Variants in TBC1D8B observed in about 807,000 individuals in gnomAD.
The protein encoded by TBC1D8B is TBC1 domain family member 8B, also known as RP11-321G1.1.
Under a neutral mutation model 82.9 loss-of-function variants are expected in TBC1D8B, and 75 were observed. The ratio of observed to expected loss-of-function variants is 0.90; its 90% CI spans 0.75 to 1.10. The LOEUF is 1.10. TBC1D8B is among the 50% of genes least tolerant of loss of function. TBC1D8B has a pLI of 0.00. For missense variants in TBC1D8B, 794 were observed against 796.9 expected (o/e 1.00, Z 0.04); for synonymous variants, 276 against 276.8 (o/e 1.00, Z 0.03).
chrX:106,854,165 A>C (rs779462558), intron 13 of TBC1D8B, 33 bp from the exon 14 acceptor site: 2 of 981,588 alleles, frequency 2.0e-6, no homozygotes, highest in African/African-American at 4.0e-5. Context: ...GTTTATTATG[A>C]GTGAGTAGCC....
chrX:106,845,240 G>T (rs1480257293), intron 10 of TBC1D8B, among the ~76,000 whole-genome samples: 1 of 108,336 alleles, frequency 9.2e-6, no homozygotes, highest in Non-Finnish European at 1.9e-5. Flanking sequence ...TATCCTTTTT[G>T]TCTTTTTTAA....
At chrX:106,829,308 A>G (rs1231733116) in intron 7 of TBC1D8B, 25 of 104,927 alleles carry the variant, frequency 2.4e-4, no homozygotes, top group African/African-American at 1.0e-3. Context: ...ACAAACAAAT[A>G]GAAGAAAATT....
chrX:106,862,766 G>GTTTTTTTTTTTTTTTTTTT (rs199693098), intron 14 of TBC1D8B, among the ~76,000 whole-genome samples: 2 of 35,801 alleles, frequency 5.6e-5, no homozygotes, highest in Non-Finnish European at 1.1e-4. Flanking sequence ...CTTTGGATGG[G>GTTTTTTTTTTTTTTTTTTT]TTTTTTTTTG....
intron 1 of TBC1D8B, among the ~76,000 whole-genome samples, chrX:106,806,718 G>A (rs1251959389): frequency 1.8e-5 from 2 of 111,227 alleles, no homozygotes; most frequent in African/African-American, 6.5e-5. Flanking sequence ...TTTTTTGTGT[G>A]GTGTAGAACA....
At chrX:106,856,016 A>C (rs1212430046) in intron 14 of TBC1D8B, among the ~76,000 whole-genome samples, 1 of 112,263 alleles carries the variant, frequency 8.9e-6, no homozygotes, top group African/African-American at 3.2e-5. Context: ...CAGCCTGGGC[A>C]ACAGAGCTAG....
chrX:106,856,540 C>T (rs1271860441), intron 14 of TBC1D8B, among the ~76,000 whole-genome samples: 1 of 109,531 alleles, frequency 9.1e-6, no homozygotes, highest in Non-Finnish European at 1.9e-5. Context: ...TATGTTTTTC[C>T]AACCAAAATC....
intron 17 of TBC1D8B, among the ~76,000 whole-genome samples, chrX:106,867,482 G>A (rs914916435): frequency 1.8e-5 from 2 of 111,424 alleles, no homozygotes; most frequent in Non-Finnish European, 3.8e-5. Flanking sequence ...GCAAACTGAA[G>A]TCTGACTCCA....
chrX:106,827,119 T>G, intron 6 of TBC1D8B, 51 bp from the exon 7 acceptor site: 1 of 1,166,570 alleles, frequency 8.6e-7, no homozygotes, highest in Non-Finnish European at 1.2e-6. Context: ...TACTTGAAGG[T>G]GTCAACAATA....
chrX:106,806,321 C>T (rs762383400), intron 1 of TBC1D8B, among the ~76,000 whole-genome samples: 8 of 111,972 alleles, frequency 7.1e-5, no homozygotes, highest in Non-Finnish European at 1.3e-4. Context: ...ATAGATAAAG[C>T]GATTTTCCTT....
rs753003013 is a variant in TBC1D8B, at chrX:106,859,602, C to T, written c.2352+5306C>T. On this transcript the variant is annotated intron_variant, in intron 14 of 20. Coordinates refer to ENST00000357242, the MANE Select transcript of TBC1D8B (RefSeq NM_017752.3). ...AAATCTAGGAGCTTTTGGGCTGAGA[C>T]TTTGGGGTTTTCTACATATAGAATC... Among the ~76,000 whole-genome samples, 37 of 111,695 alleles carry T rather than the reference C, an allele frequency of 3.3e-4. 2 individuals carry two copies. The South Asian group carries it at 0.011, about 34-fold the overall frequency.
chrX:106,859,904 T>G (rs1932757994), intron 14 of TBC1D8B, among the ~76,000 whole-genome samples: 1 of 112,282 alleles, frequency 8.9e-6, no homozygotes, highest in Non-Finnish European at 1.9e-5. Context: ...TAACACGAAG[T>G]GATGTTGAAT....
At chrX:106,826,338 G>A (rs1424634253) in intron 6 of TBC1D8B, 101 bp downstream of exon 6, 2 of 614,952 alleles carry the variant, frequency 3.3e-6, no homozygotes, top group African/African-American at 4.6e-5. Context: ...ACCTCAAGAT[G>A]CAATATCCTT....
At chrX:106,823,003 T>G (rs750871426) in intron 4 of TBC1D8B, among the ~76,000 whole-genome samples, 4 of 111,212 alleles carry the variant, frequency 3.6e-5, no homozygotes, top group African/African-American at 1.3e-4. Context: ...AGAGTGAGAC[T>G]CTATCTCAAA....
At position 106,873,887 on chromosome X, in the gene TBC1D8B, T is replaced by C; in HGVS notation, c.3285T>C (p.Phe1095=). Residue 1095 remains phenylalanine (F), a synonymous_variant, in exon 21 of 21, where the codon TTT becomes TTC. Transcript: ENST00000357242. The part of the protein sequence containing the change: ...SLLNEPALVR[F]FEKPIDVKAK... ...TGAATGAACCAGCATTGGTGAGGTTTTTTGAGAAACCCATAGATGTAAAAG... is the reference window on the plus strand; with the variant it reads ...TGAATGAACCAGCATTGGTGAGGTTCTTTGAGAAACCCATAGATGTAAAAG... 1.7e-6 allele frequency: 2 copies of C among 1,210,349 alleles called. No individual in the cohort carries two copies. Among genetic ancestry groups the C allele is most frequent in the Non-Finnish European group, 2.2e-6 (2 of 895,122 alleles).
chrX:106,855,509 T>A (rs1932677048), intron 14 of TBC1D8B, among the ~76,000 whole-genome samples: 1 of 111,953 alleles, frequency 8.9e-6, no homozygotes, highest in South Asian at 3.7e-4. Context: ...GCTCTGCAAC[T>A]TTTTTCATTC....
chrX:106,849,191 T>G, intron 11 of TBC1D8B: 4 of 1,089,197 alleles, frequency 3.7e-6, no homozygotes, highest in Non-Finnish European at 4.9e-6. Flanking sequence ...GTCATCGATT[T>G]TACTGTCTTT....
At chrX:106,804,988 C>G (rs1269253194) in intron 1 of TBC1D8B, among the ~76,000 whole-genome samples, 2 of 109,239 alleles carry the variant, frequency 1.8e-5, no homozygotes, top group South Asian at 7.7e-4. Flanking sequence ...AAACTGTGTT[C>G]CTTTAAGTAG....
intron 1 of TBC1D8B, among the ~76,000 whole-genome samples, chrX:106,805,948 T>C (rs1308042910): frequency 8.9e-6 from 1 of 112,664 alleles, no homozygotes. Context: ...TTTTGTTTAA[T>C]GAAGAAATGA....
rs768981993 is a variant in TBC1D8B at position 106,865,949 on chromosome X, G to A, written c.2578G>A (p.Asp860Asn). The A allele has an allele frequency of 3.3e-6, 4 of 1,209,889 alleles. No homozygotes were observed. In the South Asian group the frequency reaches 7.0e-5, roughly 21 times the overall value. Residue 860 changes from aspartate to asparagine, a missense_variant, in exon 16 of 21, where the codon GAC becomes AAC. Coordinates refer to ENST00000357242, the MANE Select transcript of TBC1D8B (RefSeq NM_017752.3). ...LSPWAHSANK[D>N]SLALWTFRLL... ...TCCCTGGGCTCATTCTGCAAATAAAGACTCACTAGCTTTATGGACATTCAG... is the reference window on the plus strand; with the variant it reads ...TCCCTGGGCTCATTCTGCAAATAAAAACTCACTAGCTTTATGGACATTCAG...
Sources: gnomAD v4.1 joint callset for allele counts (sites outside exome capture counted in the v4.1 genomes callset) on GRCh38, gnomAD v4.1.1 for gene constraint, MANE v1.5 for transcripts, NCBI Gene and HGNC (gene_info 2026-07-23, HGNC 2026-07-21) for gene names.